The following PILRA variants were observed in gnomAD, a reference collection of about 807,000 sequenced individuals.
PILRA encodes the protein paired immunoglobulin-like type 2 receptor alpha.
In PILRA, 37 loss-of-function variants were observed where a neutral mutation model predicts 33.1. That is an observed-to-expected ratio of 1.12 (90% CI 0.86 to 1.47). The LOEUF (loss-of-function observed/expected upper bound fraction) is 1.47, where lower values mean the gene tolerates loss of function less well. Among genes scored for constraint, PILRA ranks in the 40% most tolerant of loss-of-function variants. The pLI, the probability that PILRA is intolerant of heterozygous loss-of-function variation, is 0.00. For synonymous variants in PILRA, 146 were observed against 149.9 expected (o/e 0.97, Z 0.19); for missense variants, 312 against 376.2 (o/e 0.83, Z 1.41).
At chr7:100,375,565 C>G (rs1349672711) in intron 2 of PILRA, among the ~76,000 whole-genome samples, 1 of 152,160 alleles carries the variant, frequency 6.6e-6, no homozygotes, top group African/African-American at 2.4e-5. Flanking sequence ...AACCCCGTCT[C>G]TACTAAACAT....
intron 2 of PILRA, chr7:100,374,878 A>C: frequency 4.5e-6 from 1 of 221,804 alleles, no homozygotes; most frequent in South Asian, 5.9e-5. Context: ...TGCATCTCTC[A>C]CAGTCAGGAG....
Position 100,397,872 on chromosome 7 carries a change from C to A in PILRA, c.674-7C>A, listed in dbSNP as rs1250686068. 6.2e-7 allele frequency: 1 copy of A among 1,613,698 alleles called. No individual in the cohort carries two copies. Among genetic ancestry groups the A allele is most frequent in the Admixed American group, 1.7e-5 (1 of 60,016 alleles). ...GCCACCCTGACTCACTGTTGGTCCC[C>A]CTACAGGTCAGCAGCGGACTAAAGC... On this transcript the variant is annotated splice_polypyrimidine_tract_variant and splice_region_variant and intron_variant, in intron 3 of 6. Coordinates refer to ENST00000198536, the MANE Select transcript of PILRA (RefSeq NM_013439.3).
chr7:100,378,327 G>A (rs772117648), intron 2 of PILRA, among the ~76,000 whole-genome samples: 5 of 152,194 alleles, frequency 3.3e-5, no homozygotes, highest in Admixed American at 1.3e-4. Context: ...ACTCCAGCCT[G>A]AGTGGCAGAG....
In PILRA at chr7:100,373,825, C is replaced by T. The variant is rs575054167; in HGVS notation, c.64+105C>T. 2.2e-5 allele frequency: 32 copies of T among 1,480,158 alleles called. No homozygotes were observed. In the South Asian group the frequency reaches 3.3e-4, roughly 15 times the overall value. The allele number at this position is 1,480,158 out of a possible 1,614,324, so 91.7% of individuals were successfully genotyped here. A position where few individuals can be genotyped will look rare whatever the true frequency, so the allele number is the denominator to read the frequency against. The stretch of plus-strand genomic sequence containing the variant: ...TGGGGAGGGCCCAGGCTCCCACCAC[C>T]AGGAAACAAGGGCGGGTCCCACAGG... On this transcript the variant is annotated intron_variant, in intron 1 of 6. Coordinates refer to ENST00000198536, the MANE Select transcript of PILRA (RefSeq NM_013439.3).
intron 2 of PILRA, among the ~76,000 whole-genome samples, chr7:100,378,186 A>T (rs1435073069): frequency 7.4e-6 from 1 of 135,994 alleles, no homozygotes; most frequent in Non-Finnish European, 1.6e-5. Context: ...CCCCATCTCT[A>T]AAAAAAAAAA....
chr7:100,382,901 C>T (rs1433964136), intron 2 of PILRA, among the ~76,000 whole-genome samples: 5 of 152,162 alleles, frequency 3.3e-5, no homozygotes, highest in Admixed American at 2.6e-4. Flanking sequence ...ACTCCGGACA[C>T]GCCGCCTTTA....
intron 2 of PILRA, among the ~76,000 whole-genome samples, chr7:100,380,972 A>C (rs575180276): frequency 6.6e-5 from 10 of 151,156 alleles, no homozygotes; most frequent in Non-Finnish European, 1.5e-5. Flanking sequence ...CTCCATCTCC[A>C]AAAAAAACAA....
At chr7:100,391,749 C>A (rs1176658416) in intron 3 of PILRA, among the ~76,000 whole-genome samples, 1 of 152,098 alleles carries the variant, frequency 6.6e-6, no homozygotes, top group Non-Finnish European at 1.5e-5. Context: ...GGAATAAGCC[C>A]CTGTTTCCAC....
chr7:100,384,758 A>G (rs1791219684), intron 2 of PILRA, among the ~76,000 whole-genome samples: 1 of 152,140 alleles, frequency 6.6e-6, no homozygotes, highest in South Asian at 2.1e-4. Flanking sequence ...ATTGCGTTCC[A>G]GCTTGGGCGA....
chr7:100,387,177 C>A (rs1791272552), intron 2 of PILRA, among the ~76,000 whole-genome samples: 1 of 152,156 alleles, frequency 6.6e-6, no homozygotes. Context: ...ACTTAGCGTT[C>A]TAATAATAGA....
intron 3 of PILRA, among the ~76,000 whole-genome samples, chr7:100,390,879 A>T (rs948554548): frequency 1.2e-4 from 19 of 152,022 alleles, no homozygotes; most frequent in African/African-American, 4.6e-4. Flanking sequence ...AGCATGAAGC[A>T]GTAAAGGGTG....
At chr7:100,389,278 T>TA (rs1006994929) in intron 2 of PILRA, among the ~76,000 whole-genome samples, 2 of 152,018 alleles carry the variant, frequency 1.3e-5, no homozygotes, top group African/African-American at 2.4e-5. Flanking sequence ...ATTTTTAACT[T>TA]AAAAAAAATG....
intron 2 of PILRA, 64 bp from the exon 3 acceptor site, chr7:100,389,824 C>A: frequency 7.3e-7 from 1 of 1,376,250 alleles, no homozygotes. Context: ...CAGCACACCA[C>A]GCCTTTCACC....
intron 3 of PILRA, among the ~76,000 whole-genome samples, chr7:100,390,518 A>C (rs947077763): frequency 6.6e-6 from 1 of 152,216 alleles, no homozygotes; most frequent in Non-Finnish European, 1.5e-5. Flanking sequence ...TGCAGAAGCA[A>C]AGTAGATAAA....
In PILRA at chr7:100,373,664, G is replaced by A. The variant is rs764280382; in HGVS notation, c.8G>A (p.Arg3Gln). The A allele has an allele frequency of 5.0e-6, 8 of 1,613,404 alleles. No homozygotes were observed. The Admixed American group carries it at 5.0e-5, about 10-fold the overall frequency. MG[R>Q]PLLLPLLPLL... ...CTGGAGAAGAACAAGGCCATGGGTC[G>A]GCCCCTGCTGCTGCCCCTACTGCCC... The change falls in exon 1 of 7, where the codon CGG becomes CAG. Residue 3 changes from arginine to glutamine, a missense_variant. Physicochemically the swap from Arg to Gln is conservative, Grantham distance 43 (BLOSUM62 1). Coordinates refer to ENST00000198536, the MANE Select transcript of PILRA (RefSeq NM_013439.3).
rs149189044 is a variant in PILRA at position 100,384,079 on chromosome 7, G to A, written c.455-5809G>A. 1.6e-3 allele frequency among the ~76,000 whole-genome samples: 249 copies of A among 152,226 alleles called. 1 individual carries two copies. Among genetic ancestry groups the A allele is most frequent in the African/African-American group, 5.7e-3 (235 of 41,538 alleles). ...GCAGTGCACGAGGTGAGAGTTGGCTGATACTGGTTATATTTTGAAGACAGG... is the reference window on the plus strand; with the variant it reads ...GCAGTGCACGAGGTGAGAGTTGGCTAATACTGGTTATATTTTGAAGACAGG... On this transcript the variant is annotated intron_variant, in intron 2 of 6. Coordinates refer to ENST00000198536, the MANE Select transcript of PILRA (RefSeq NM_013439.3).
chr7:100,383,696 G>A (rs1008199968), intron 2 of PILRA, among the ~76,000 whole-genome samples: 6 of 151,652 alleles, frequency 4.0e-5, no homozygotes, highest in Non-Finnish European at 5.9e-5. Flanking sequence ...GAGTGCAGTA[G>A]CATGGTCTTC....
chr7:100,377,231 CTTTT>C (rs761225046), intron 2 of PILRA, among the ~76,000 whole-genome samples: 2 of 100,928 alleles, frequency 2.0e-5, no homozygotes, highest in Non-Finnish European at 3.9e-5. Context: ...TTTTCTATTT[CTTTT>C]TTTTTTTTTT....
rs1790865825 is a variant in PILRA, at chr7:100,373,606, C to T, written c.-51C>T. ...GCGGCCCCTCCACAGGGCCCCTCTC[C>T]TGCCTGGACGGCTCTGCTGGTCTCC... On this transcript the variant is annotated 5_prime_UTR_variant, in exon 1 of 7. Coordinates refer to ENST00000198536, the MANE Select transcript of PILRA (RefSeq NM_013439.3). 1 of 1,610,146 alleles carries T rather than the reference C, an allele frequency of 6.2e-7. No individual in the cohort carries two copies. Among genetic ancestry groups the T allele is most frequent in the Non-Finnish European group, 8.5e-7 (1 of 1,178,024 alleles).
Sources: gnomAD v4.1 joint callset for allele counts (sites outside exome capture counted in the v4.1 genomes callset) on GRCh38, gnomAD v4.1.1 for gene constraint, MANE v1.5 for transcripts, NCBI Gene and HGNC (gene_info 2026-07-23, HGNC 2026-07-21) for gene names.